The following KCNH8 variants were observed in gnomAD, a reference collection of about 807,000 sequenced individuals.
KCNH8 encodes potassium voltage-gated channel subfamily H member 8.
KCNH8 carries 70 observed loss-of-function variants against 103.6 expected under a neutral mutation model. That is an observed-to-expected ratio of 0.68 (90% CI 0.56 to 0.82). KCNH8 has a LOEUF of 0.82. KCNH8 is among the 40% of genes least tolerant of loss of function. The pLI is 0.00. For synonymous variants in KCNH8, 498 were observed against 489.4 expected, an observed-to-expected ratio of 1.02 and a Z score of -0.23; for missense variants, 1,217 against 1,329.9, an observed-to-expected ratio of 0.92 and a Z score of 1.32.
intron 6 of KCNH8, among the ~76,000 whole-genome samples, chr3:19,391,534 A>G (rs182401664): frequency 2.2e-4 from 34 of 152,228 alleles, no homozygotes; most frequent in African/African-American, 6.7e-4. Context: ...ATTTAAAGGC[A>G]TAGTTTTAAA....
intron 11 of KCNH8, among the ~76,000 whole-genome samples, chr3:19,479,914 C>G (rs1261565308): frequency 6.6e-6 from 1 of 152,268 alleles, no homozygotes; most frequent in East Asian, 1.9e-4. Flanking sequence ...TGCTTTGTGA[C>G]TTAATCAGTG....
chr3:19,435,989 TAGAGTTA>T (rs2067193570), intron 7 of KCNH8, among the ~76,000 whole-genome samples: 1 of 152,136 alleles, frequency 6.6e-6, no homozygotes, highest in African/African-American at 2.4e-5. Context: ...AACTCCTATT[TAGAGTTA>T]AAAGTATGTA....
intron 2 of KCNH8, among the ~76,000 whole-genome samples, chr3:19,267,032 T>A (rs185521751): frequency 3.4e-4 from 51 of 152,232 alleles, no homozygotes; most frequent in Admixed American, 5.9e-4. Flanking sequence ...TAAGGCATTT[T>A]AATTCAGGCA....
chr3:19,226,633 A>T (rs2063935639), intron 1 of KCNH8, among the ~76,000 whole-genome samples: 1 of 151,672 alleles, frequency 6.6e-6, no homozygotes. Context: ...GCACACACAC[A>T]CACACACACA....
At chr3:19,226,333 C>T (rs1341454756) in intron 1 of KCNH8, among the ~76,000 whole-genome samples, 1 of 152,044 alleles carries the variant, frequency 6.6e-6, no homozygotes, top group East Asian at 1.9e-4. Context: ...ATTCTGAGCC[C>T]TATGAAAGGT....
chr3:19,275,495 C>T (rs980289686), intron 2 of KCNH8, among the ~76,000 whole-genome samples: 3 of 151,874 alleles, frequency 2.0e-5, no homozygotes, highest in Non-Finnish European at 4.4e-5. Context: ...GGTATTGACC[C>T]GACGTAAATT....
intron 10 of KCNH8, among the ~76,000 whole-genome samples, chr3:19,455,823 A>C (rs1476748771): frequency 6.6e-6 from 1 of 152,106 alleles, no homozygotes; most frequent in East Asian, 1.9e-4. Flanking sequence ...TATGAAAAGT[A>C]TGATGACCCG....
At chr3:19,527,467 T>C (rs1437492951) in intron 15 of KCNH8, among the ~76,000 whole-genome samples, 1 of 152,080 alleles carries the variant, frequency 6.6e-6, no homozygotes, top group Non-Finnish European at 1.5e-5. Flanking sequence ...TAAAGTTTTA[T>C]ATCTGTTATA....
chr3:19,442,883 C>A lies in KCNH8; in HGVS notation c.1375+4522C>A, dbSNP rs937765386. Among the ~76,000 whole-genome samples, 3 of 151,998 alleles carry A rather than the reference C, an allele frequency of 2.0e-5. No homozygotes were observed. The East Asian group carries it at 5.8e-4, about 29-fold the overall frequency. On this transcript the variant is annotated intron_variant, in intron 8 of 15. Coordinates refer to ENST00000328405, the MANE Select transcript of KCNH8 (RefSeq NM_144633.3). ...AGCTCACACTATTGAGCACTTTGTT[C>A]ATTTAATTCTCATAATACTGTGAGA... is the stretch of plus-strand genomic sequence containing the variant.
intron 11 of KCNH8, among the ~76,000 whole-genome samples, chr3:19,504,348 T>G (rs1363512845): frequency 6.6e-6 from 1 of 152,158 alleles, no homozygotes; most frequent in Non-Finnish European, 1.5e-5. Flanking sequence ...TGGGATCTAA[T>G]TAAAGTAAAA....
intron 7 of KCNH8, among the ~76,000 whole-genome samples, chr3:19,414,022 GT>G (rs1373122642): frequency 2.0e-5 from 3 of 152,054 alleles, no homozygotes; most frequent in Non-Finnish European, 4.4e-5. Context: ...GATAGCTTGA[GT>G]TTTTTAAGAT....
chr3:19,407,928 T>C (rs2066718945), intron 7 of KCNH8, among the ~76,000 whole-genome samples: 1 of 152,056 alleles, frequency 6.6e-6, no homozygotes, highest in South Asian at 2.1e-4. Flanking sequence ...CCCACTGGAT[T>C]CTCCTTTGGC....
chr3:19,312,908 C>T (rs2065224627), intron 3 of KCNH8, among the ~76,000 whole-genome samples: 1 of 151,714 alleles, frequency 6.6e-6, no homozygotes, highest in African/African-American at 2.4e-5. Context: ...CAAGATGGGC[C>T]CATTTAAAAG....
chr3:19,204,306 A>T (rs1472078911), intron 1 of KCNH8, among the ~76,000 whole-genome samples: 2 of 152,020 alleles, frequency 1.3e-5, no homozygotes, highest in African/African-American at 4.8e-5. Context: ...TCTATAATGG[A>T]ACAGTTCTTA....
At chr3:19,398,543 GC>G (rs2066559562) in intron 7 of KCNH8, among the ~76,000 whole-genome samples, 1 of 151,914 alleles carries the variant, frequency 6.6e-6, no homozygotes, top group South Asian at 2.1e-4. Flanking sequence ...ACTGTGCTAA[GC>G]TTTAGAGTGT....
intron 5 of KCNH8, among the ~76,000 whole-genome samples, chr3:19,373,385 T>C (rs1466941952): frequency 1.3e-5 from 2 of 152,228 alleles, no homozygotes; most frequent in African/African-American, 4.8e-5. Flanking sequence ...CTAGATTTTC[T>C]AGTTTATTTG....
At chr3:19,184,139 T>G (rs1361291002) in intron 1 of KCNH8, among the ~76,000 whole-genome samples, 1 of 152,090 alleles carries the variant, frequency 6.6e-6, no homozygotes, top group Non-Finnish European at 1.5e-5. Context: ...TCAGAGTGCT[T>G]GTTGCATCAT....
intron 1 of KCNH8, among the ~76,000 whole-genome samples, chr3:19,171,568 C>T (rs1293823252): frequency 6.6e-6 from 1 of 152,142 alleles, no homozygotes; most frequent in Non-Finnish European, 1.5e-5. Flanking sequence ...TAGCTCGACT[C>T]TATAAATAAG....
At chr3:19,186,921 T>C (rs2063507992) in intron 1 of KCNH8, among the ~76,000 whole-genome samples, 1 of 152,044 alleles carries the variant, frequency 6.6e-6, no homozygotes. Flanking sequence ...ATAGTAAATA[T>C]TTTAGGTTTT....
Sources: allele counts gnomAD v4.1 joint callset (sites outside exome capture counted in the v4.1 genomes callset), GRCh38; gene constraint gnomAD v4.1.1; transcripts MANE v1.5; gene names NCBI Gene and HGNC (gene_info 2026-07-23, HGNC 2026-07-21).